Variants in DPP10 observed in about 807,000 individuals in gnomAD.
DPP10 encodes dipeptidyl peptidase like 10, also known as inactive dipeptidyl peptidase 10.
A neutral mutation model predicts 120.9 loss-of-function variants in DPP10; 33 were observed. The ratio of observed to expected loss-of-function variants is 0.27; its 90% confidence interval spans 0.21 to 0.37. The LOEUF (loss-of-function observed/expected upper bound fraction) is 0.37, where lower values mean the gene tolerates loss of function less well. Among genes scored for constraint, DPP10 ranks in the 10% least tolerant of loss-of-function variants. DPP10 has a pLI of 1.00. For missense variants in DPP10, 816 were observed against 942.8 expected, an observed-to-expected ratio of 0.87 and a Z score of 1.76; for synonymous variants, 337 against 326.1, an observed-to-expected ratio of 1.03 and a Z score of -0.36.
chr2:114,766,695 TA>T (rs779863810), intron 1 of DPP10, among the ~76,000 whole-genome samples: 8 of 152,208 alleles, frequency 5.3e-5, no homozygotes, highest in Non-Finnish European at 8.8e-5. Context: ...ACAAATTGTA[TA>T]ATTTCATTTA....
At chr2:115,770,410 C>G (rs1681319686) in intron 13 of DPP10, among the ~76,000 whole-genome samples, 1 of 152,056 alleles carries the variant, frequency 6.6e-6, no homozygotes, top group Non-Finnish European at 1.5e-5. Context: ...TATATAGGGA[C>G]TATAACACAG....
intron 1 of DPP10, among the ~76,000 whole-genome samples, chr2:114,768,610 C>T (rs1448016648): frequency 1.3e-5 from 2 of 152,106 alleles, no homozygotes; most frequent in South Asian, 4.1e-4. Context: ...TCTCAAGGGT[C>T]GTACCCTTAA....
intron 1 of DPP10, among the ~76,000 whole-genome samples, chr2:115,042,104 G>A (rs1704698702): frequency 6.7e-6 from 1 of 148,230 alleles, no homozygotes. Flanking sequence ...TCAAGCTTTG[G>A]CACCTACCTG....
intron 1 of DPP10, among the ~76,000 whole-genome samples, chr2:115,155,713 G>T (rs373000202): frequency 2.2e-4 from 34 of 152,250 alleles, no homozygotes; most frequent in African/African-American, 7.5e-4. Context: ...ACTTTTGACT[G>T]CATTCTAAAA....
chr2:115,646,453 A>G (rs1277138628), intron 5 of DPP10, among the ~76,000 whole-genome samples: 2 of 152,192 alleles, frequency 1.3e-5, no homozygotes, highest in Non-Finnish European at 2.9e-5. Context: ...ATAAGGCAAC[A>G]AAGATCTAAT....
chr2:115,477,364 C>G (rs910588718), intron 3 of DPP10, among the ~76,000 whole-genome samples: 1 of 151,960 alleles, frequency 6.6e-6, no homozygotes, highest in Non-Finnish European at 1.5e-5. Context: ...GATACACTAA[C>G]AAACAACCCA....
chr2:115,727,989 A>C (rs2092806823), intron 8 of DPP10, 53 bp downstream of exon 8: 1 of 1,552,366 alleles, frequency 6.4e-7, no homozygotes, highest in South Asian at 1.2e-5. Flanking sequence ...TTTTTATACA[A>C]AATCTACCAA....
intron 1 of DPP10, among the ~76,000 whole-genome samples, chr2:114,891,931 G>A (rs1692574639): frequency 6.6e-6 from 1 of 152,006 alleles, no homozygotes; most frequent in African/African-American, 2.4e-5. Context: ...CTCATGCTGA[G>A]GATGTCTGTC....
chr2:115,634,892 T>C (rs2149330042), intron 5 of DPP10, among the ~76,000 whole-genome samples: 1 of 151,436 alleles, frequency 6.6e-6, no homozygotes, highest in East Asian at 2.0e-4. Flanking sequence ...ATTAGAGTTC[T>C]GTTGCTAAAA....
chr2:115,821,722 A>G (rs1687836957), intron 21 of DPP10, among the ~76,000 whole-genome samples: 3 of 151,514 alleles, frequency 2.0e-5, no homozygotes, highest in Admixed American at 2.0e-4. Flanking sequence ...GGTTTGTTCA[A>G]TTATATTGCT....
intron 1 of DPP10, among the ~76,000 whole-genome samples, chr2:114,626,513 G>C (rs941494857): frequency 6.6e-6 from 1 of 151,998 alleles, no homozygotes; most frequent in Admixed American, 6.6e-5. Flanking sequence ...TGGTTGAGCT[G>C]CCACGTTTCA....
chr2:115,244,850 T>TATATATATGTATGCACATATATATATAC, intron 1 of DPP10, among the ~76,000 whole-genome samples: 1 of 100,372 alleles, frequency 1.0e-5, no homozygotes, highest in South Asian at 3.7e-4. Flanking sequence ...TATATACATA[T>TATATATATGTATGCACATATATATATAC]ATATATAATT....
intron 1 of DPP10, among the ~76,000 whole-genome samples, chr2:115,006,120 T>C (rs1197217385): frequency 6.6e-6 from 1 of 151,868 alleles, no homozygotes; most frequent in Admixed American, 6.6e-5. Flanking sequence ...GCAAACTAAG[T>C]TTCATAAGTG....
At chr2:115,148,245 T>C (rs2051339402) in intron 1 of DPP10, among the ~76,000 whole-genome samples, 1 of 152,126 alleles carries the variant, frequency 6.6e-6, no homozygotes, top group South Asian at 2.1e-4. Flanking sequence ...TTTCTTCAGG[T>C]AAACTTGGAA....
In DPP10 at chr2:115,051,324, G is replaced by A. The variant is rs372696544; in HGVS notation, c.61-257915G>A. 2.0e-4 allele frequency among the ~76,000 whole-genome samples: 30 copies of A among 151,792 alleles called. No homozygotes were observed. In the East Asian group the frequency reaches 3.3e-3, roughly 17 times the overall value. On this transcript the variant is annotated intron_variant, in intron 1 of 25. Transcript: ENST00000410059. Reference sequence around the variant, plus strand: ...TATCAATAAAGAGAAAGAAATTTAAGAAATGAATCAAGTAGAAATTCTGAA... The same window carrying A: ...TATCAATAAAGAGAAAGAAATTTAAAAAATGAATCAAGTAGAAATTCTGAA...
intron 3 of DPP10, among the ~76,000 whole-genome samples, chr2:115,354,643 A>T (rs2064250838): frequency 6.6e-6 from 1 of 150,992 alleles, no homozygotes; most frequent in Non-Finnish European, 1.5e-5. Context: ...ACATAGGTAT[A>T]CATGTGCCAT....
At chr2:115,307,167 G>A (rs1455883129) in intron 1 of DPP10, among the ~76,000 whole-genome samples, 2 of 152,052 alleles carry the variant, frequency 1.3e-5, no homozygotes, top group African/African-American at 4.8e-5. Context: ...AGGATTATGT[G>A]AGATTGCAAA....
intron 1 of DPP10, among the ~76,000 whole-genome samples, chr2:114,944,053 T>C (rs1697173202): frequency 6.6e-6 from 1 of 152,190 alleles, no homozygotes; most frequent in East Asian, 1.9e-4. Flanking sequence ...CTATGTTAAA[T>C]ATCTTAGGGT....
At chr2:115,186,182 T>C (rs962794244) in intron 1 of DPP10, among the ~76,000 whole-genome samples, 1 of 152,260 alleles carries the variant, frequency 6.6e-6, no homozygotes, top group Non-Finnish European at 1.5e-5. Flanking sequence ...GTTGTTTTTA[T>C]TATCTTATTC....
Sources: gnomAD v4.1 joint callset for allele counts (sites outside exome capture counted in the v4.1 genomes callset) on GRCh38, gnomAD v4.1.1 for gene constraint, MANE v1.5 for transcripts, NCBI Gene and HGNC (gene_info 2026-07-23, HGNC 2026-07-21) for gene names.